BRF1: variants seen among roughly 807,000 people sequenced by gnomAD.
BRF1 encodes BRF1 general transcription factor IIIB subunit.
A neutral mutation model predicts 81.7 loss-of-function variants in BRF1; 59 were observed. The observed-to-expected ratio is 0.72, with a 90% confidence interval of 0.59 to 0.90. The LOEUF (loss-of-function observed/expected upper bound fraction) is 0.90. BRF1 is among the 40% of genes least tolerant of loss of function. BRF1 has a pLI of 0.00. For synonymous variants in BRF1, 491 were observed against 395.6 expected (o/e 1.24, Z -2.86); for missense variants, 1,050 against 936.3 (o/e 1.12, Z -1.58).
At chr14:105,275,119 C>T (rs139227859) in intron 2 of BRF1, among the ~76,000 whole-genome samples, 18 of 152,342 alleles carry the variant, frequency 1.2e-4, no homozygotes, top group African/African-American at 3.4e-4. Context: ...GTTTTGCTCA[C>T]GCCAAACTTC....
chr14:105,248,645 G>C, intron 5 of BRF1: 1 of 980,646 alleles, frequency 1.0e-6, no homozygotes, highest in Non-Finnish European at 1.2e-6. Flanking sequence ...GCTCGGGCAG[G>C]GTCGCAGGGG....
intron 1 of BRF1, among the ~76,000 whole-genome samples, chr14:105,298,462 G>A (rs777373035): frequency 3.0e-4 from 46 of 152,308 alleles, no homozygotes; most frequent in Admixed American, 7.2e-4. Context: ...AGGGAGCAAA[G>A]GCCTTCAGTC....
At chr14:105,308,722 C>T (rs958406084) in intron 1 of BRF1, among the ~76,000 whole-genome samples, 22 of 151,890 alleles carry the variant, frequency 1.4e-4, no homozygotes, top group Admixed American at 1.2e-3. Flanking sequence ...ACTTCATGAT[C>T]CGCCTGCCTC....
intron 5 of BRF1, among the ~76,000 whole-genome samples, chr14:105,245,607 G>A (rs1482717625): frequency 6.6e-6 from 1 of 152,198 alleles, no homozygotes; most frequent in African/African-American, 2.4e-5. Flanking sequence ...GGACAGCACA[G>A]GGCCAGAAAT....
At chr14:105,224,593 G>C (rs587731704) in intron 10 of BRF1, among the ~76,000 whole-genome samples, 20 of 152,340 alleles carry the variant, frequency 1.3e-4, no homozygotes, top group Non-Finnish European at 2.6e-4. Context: ...CTGCTGCCCA[G>C]GCTGGAATAC....
chr14:105,240,879 G>A (rs1444837436), intron 6 of BRF1, among the ~76,000 whole-genome samples: 2 of 149,048 alleles, frequency 1.3e-5, no homozygotes, highest in East Asian at 4.0e-4. Flanking sequence ...CAGCCTGGCA[G>A]CCCTGTGGCA....
chr14:105,219,372 G>C (rs1249168498), intron 12 of BRF1, 140 bp from the exon 13 acceptor site: 1 of 1,480,680 alleles, frequency 6.8e-7, no homozygotes. Context: ...GCGGAGCCTG[G>C]GCTGAGGCCT....
chr14:105,241,166 C>G (rs1043959545), intron 6 of BRF1, 99 bp downstream of exon 6: 4 of 1,538,786 alleles, frequency 2.6e-6, no homozygotes, highest in Middle Eastern at 2.4e-4. Flanking sequence ...TCTCAGTGCT[C>G]TGCAAACATA....
Position 105,226,178 on chromosome 14 carries a change from A to T in BRF1, c.956-17T>A. 1 of 1,613,992 alleles carries T rather than the reference A, an allele frequency of 6.2e-7. No homozygotes were observed. Among genetic ancestry groups the T allele is most frequent in the Non-Finnish European group, 8.5e-7 (1 of 1,179,980 alleles). ...ATATTTCACCTGAAGTCATAAGTTA[A>T]AAGCAAAAAGTCAGCATAAAATCAA... is the stretch of plus-strand genomic sequence containing the variant. On this transcript the variant is annotated splice_polypyrimidine_tract_variant and intron_variant, in intron 9 of 17. Transcript: ENST00000547530.
rs1462088418 is a variant in BRF1 at position 105,211,224 on chromosome 14, CG to C, written c.1893del (p.Ser631ArgfsTer31). The C allele has an allele frequency of 5.0e-6, 8 of 1,611,030 alleles. No individual in the cohort carries two copies. Among genetic ancestry groups the C allele is most frequent in the Non-Finnish European group, 6.8e-6 (8 of 1,179,608 alleles). On this transcript the variant is annotated frameshift_variant, in exon 17 of 18. Coordinates refer to ENST00000547530, the MANE Select transcript of BRF1 (RefSeq NM_001519.4). LOFTEE classifies it high-confidence loss of function. ...TCGTCGGCGTGGTATGACACGGGCC[CG>C]CTCTCCACCAGCACCGCCTGGGGCC... The part of the protein sequence containing the change: ...PARPQAVLVE[S>X]GPVSYHADEE...
chr14:105,257,926 C>A lies in BRF1; in HGVS notation c.440-1377G>T, dbSNP rs143859442. Among the ~76,000 whole-genome samples, 132 of 152,264 alleles carry A rather than the reference C, an allele frequency of 8.7e-4. 3 individuals carry two copies. The East Asian group carries it at 0.02, about 24-fold the overall frequency. On this transcript the variant is annotated intron_variant, in intron 3 of 17. Coordinates refer to ENST00000547530, the MANE Select transcript of BRF1 (RefSeq NM_001519.4). The stretch of plus-strand genomic sequence containing the variant: ...GTGGGCCGAGAGGAGGGTTCCAGGA[C>A]GCTGCAGCTCTGCACCACTCCGCAC...
Position 105,271,852 on chromosome 14 carries a change from C to T in BRF1, c.439+869G>A, listed in dbSNP as rs1053334281. On this transcript the variant is annotated intron_variant, in intron 3 of 17. Coordinates refer to ENST00000547530, the MANE Select transcript of BRF1 (RefSeq NM_001519.4). The surrounding 1 kb of genome is among the most constrained non-coding windows in gnomAD (Gnocchi z 5.5). The stretch of plus-strand genomic sequence containing the variant: ...GAGGGTCGGCAGCCTCCCCGCCCAC[C>T]GCCTGCAGTCACGGTGTCCACGCAC... Among the ~76,000 whole-genome samples, 24 of 148,488 alleles carry T rather than the reference C, an allele frequency of 1.6e-4. 1 individual carries two copies. The highest frequency in any genetic ancestry group is 4.0e-4 in the African/African-American group (16 of 40,166).
At chr14:105,280,525 C>T (rs1319144764) in intron 2 of BRF1, among the ~76,000 whole-genome samples, 1 of 152,186 alleles carries the variant, frequency 6.6e-6, no homozygotes. Context: ...GTGGAAGCTG[C>T]GTGATCCTGA....
rs1000938249 is a variant in BRF1 at position 105,210,691 on chromosome 14, TCCAGCC to T, written c.1997-109_1997-104del. Reference sequence around the variant, plus strand: ...TGGTGCCCCCCTAGAAGACTCAGGCTCCAGCCCCAGCCCCAGCCCCCCGCGCCCCGC... The same window carrying T: ...TGGTGCCCCCCTAGAAGACTCAGGCTCCAGCCCCAGCCCCCCGCGCCCCGC... On this transcript the variant is annotated intron_variant, in intron 17 of 17. Transcript: ENST00000547530. This position sits in a 1 kb window ranked among gnomAD's most constrained non-coding sequence, Gnocchi z 4.7. 50 of 1,348,098 alleles carry T rather than the reference TCCAGCC, an allele frequency of 3.7e-5. No homozygotes were observed. Among genetic ancestry groups the T allele is most frequent in the East Asian group, 7.5e-5 (3 of 39,858 alleles). The allele number at this position is 1,348,098 out of a possible 1,614,324, so 83.5% of individuals were successfully genotyped here.
intron 5 of BRF1, among the ~76,000 whole-genome samples, chr14:105,246,004 G>A (rs2055072822): frequency 6.6e-6 from 1 of 152,184 alleles, no homozygotes. Context: ...AAGAGACTAT[G>A]TGCAAACCAT....
chr14:105,256,389 T>TGG, intron 4 of BRF1, 129 bp downstream of exon 4: 2 of 1,602,604 alleles, frequency 1.2e-6, no homozygotes, highest in Non-Finnish European at 1.7e-6. Flanking sequence ...ACTTCCTGAC[T>TGG]GGGCAGGCAG....
intron 1 of BRF1, among the ~76,000 whole-genome samples, chr14:105,299,623 T>C (rs1566877431): frequency 6.6e-6 from 1 of 152,042 alleles, no homozygotes; most frequent in Non-Finnish European, 1.5e-5. Flanking sequence ...ACAAAGAGGA[T>C]TCGGGCATGG....
intron 2 of BRF1, among the ~76,000 whole-genome samples, chr14:105,281,116 C>G (rs1277015979): frequency 6.8e-6 from 1 of 148,046 alleles, no homozygotes; most frequent in Non-Finnish European, 1.5e-5. Flanking sequence ...TGGATACAGC[C>G]TGCGTGACCC....
chr14:105,289,514 T>G (rs587739103), intron 1 of BRF1, among the ~76,000 whole-genome samples: 2 of 152,212 alleles, frequency 1.3e-5, no homozygotes, highest in Non-Finnish European at 2.9e-5. Flanking sequence ...TAAGGGGGCT[T>G]TGAGCAGCAC....
Sources: allele counts gnomAD v4.1 joint callset (sites outside exome capture counted in the v4.1 genomes callset), GRCh38; gene constraint gnomAD v4.1.1; non-coding constraint Gnocchi (gnomAD v3.1); transcripts MANE v1.5; gene names NCBI Gene and HGNC (gene_info 2026-07-23, HGNC 2026-07-21).